The following SHISA6 variants were observed in gnomAD, a reference collection of about 807,000 sequenced individuals.
The protein encoded by SHISA6 is shisa family member 6, also known as protein shisa-6.
A neutral mutation model predicts 47.9 loss-of-function variants in SHISA6; 22 were observed. That is an observed-to-expected ratio of 0.46 (90% CI 0.33 to 0.66). The LOEUF is 0.66. Ranked by LOEUF, SHISA6 falls within the 30% of genes least tolerant of loss-of-function variation. SHISA6 has a pLI of 0.02. For synonymous variants in SHISA6, 388 were observed against 337.8 expected, an observed-to-expected ratio of 1.15 and a Z score of -1.63; for missense variants, 680 against 764.6, an observed-to-expected ratio of 0.89 and a Z score of 1.30.
chr17:11,251,890 C>T (rs1907825001), intron 1 of SHISA6, among the ~76,000 whole-genome samples: 1 of 152,174 alleles, frequency 6.6e-6, no homozygotes, highest in Non-Finnish European at 1.5e-5. Flanking sequence ...TGCCACACGC[C>T]TCAAGGTCCG....
At chr17:11,482,103 T>C (rs1466313270) in intron 3 of SHISA6, among the ~76,000 whole-genome samples, 1 of 152,042 alleles carries the variant, frequency 6.6e-6, no homozygotes, top group Non-Finnish European at 1.5e-5. Flanking sequence ...ATTGAATCAA[T>C]ATAAAGTATA....
At position 11,557,800 on chromosome 17, in the gene SHISA6, C is replaced by A; in HGVS notation, c.1152C>A (p.Pro384=). The A allele has an allele frequency of 1.0e-5, 16 of 1,551,156 alleles. No homozygotes were observed. The highest frequency in any genetic ancestry group is 1.4e-5 in the Non-Finnish European group (16 of 1,146,818). The change falls in exon 6 of 6, where the codon CCC becomes CCA. Residue 384 remains proline, a synonymous_variant. Transcript: ENST00000441885. ...DEYYMRRRHL[P]DLAARGTLPL... is the part of the protein sequence containing the mutation. ...ATTACATGAGACGGCGGCACCTGCCCGACCTGGCTGCCCGCGGCACCCTCC... is the reference window on the plus strand; with the variant it reads ...ATTACATGAGACGGCGGCACCTGCCAGACCTGGCTGCCCGCGGCACCCTCC...
At chr17:11,548,458 T>C (rs376126389) in intron 3 of SHISA6, among the ~76,000 whole-genome samples, 11 of 146,730 alleles carry the variant, frequency 7.5e-5, no homozygotes, top group East Asian at 2.0e-4. Context: ...TATATATATA[T>C]ACATATATCA....
chr17:11,424,299 A>C (rs176096), intron 3 of SHISA6, among the ~76,000 whole-genome samples: 104,963 of 151,996 alleles, frequency 0.69, 36,500 homozygotes, highest in African/African-American at 0.75. Flanking sequence ...AACATACACG[A>C]TAGTGCCAGA....
At chr17:11,492,198 G>A (rs982082207) in intron 3 of SHISA6, among the ~76,000 whole-genome samples, 2 of 152,134 alleles carry the variant, frequency 1.3e-5, no homozygotes, top group African/African-American at 4.8e-5. Flanking sequence ...GTCAAAGAAG[G>A]ATGAGGAGGA....
At chr17:11,257,008 A>T (rs1315351886) in intron 1 of SHISA6, among the ~76,000 whole-genome samples, 5 of 152,200 alleles carry the variant, frequency 3.3e-5, no homozygotes, top group African/African-American at 1.2e-4. Flanking sequence ...ATTGGCCATG[A>T]TGAATTTCAA....
intron 3 of SHISA6, among the ~76,000 whole-genome samples, chr17:11,485,325 TG>T (rs889858699): frequency 6.6e-6 from 1 of 151,864 alleles, no homozygotes; most frequent in African/African-American, 2.4e-5. Flanking sequence ...CTCTGGGGAA[TG>T]GGGGGCGGTT....
rs903175109 is a variant in SHISA6 at position 11,563,605 on chromosome 17, G to A, written c.*5301G>A. 2 of 152,164 alleles carry A rather than the reference G, an allele frequency of 1.3e-5. No homozygotes were observed. Among genetic ancestry groups the A allele is most frequent in the Non-Finnish European group, 2.9e-5 (2 of 68,034 alleles). 9.4% of individuals were successfully genotyped at this position (152,164 alleles called of 1,614,324 possible). A position where few individuals can be genotyped will look rare whatever the true frequency, so the allele number is the denominator to read the frequency against. On this transcript the variant is annotated 3_prime_UTR_variant, in exon 6 of 6. Coordinates refer to ENST00000441885, the MANE Select transcript of SHISA6 (RefSeq NM_207386.4). ...GACCCCTGAATGCCACACCATGGGA[G>A]GACTCATTCATTGGCTTTGTAGTGG...
chr17:11,335,718 G>A (rs8064939), intron 2 of SHISA6, among the ~76,000 whole-genome samples: 54,849 of 152,036 alleles, frequency 0.36, 11,062 homozygotes, highest in African/African-American at 0.55. Context: ...CAGCGAACAT[G>A]GAGGAAAGAA....
chr17:11,367,562 T>A (rs1198553129), intron 2 of SHISA6, among the ~76,000 whole-genome samples: 2 of 152,170 alleles, frequency 1.3e-5, no homozygotes, highest in Non-Finnish European at 2.9e-5. Context: ...CCTTTGAAAC[T>A]TGTGGTTCTC....
At chr17:11,284,543 A>G (rs1567560424) in intron 2 of SHISA6, among the ~76,000 whole-genome samples, 1 of 152,166 alleles carries the variant, frequency 6.6e-6, no homozygotes, top group Non-Finnish European at 1.5e-5. Flanking sequence ...AGACAAATTG[A>G]CTACTAGGTA....
chr17:11,339,119 C>T (rs1369858901), intron 2 of SHISA6, among the ~76,000 whole-genome samples: 1 of 142,358 alleles, frequency 7.0e-6, no homozygotes, highest in Admixed American at 7.1e-5. Context: ...ACATATGTAA[C>T]AAACCTGCAC....
chr17:11,384,331 A>G (rs538336022), intron 3 of SHISA6, among the ~76,000 whole-genome samples: 3 of 152,234 alleles, frequency 2.0e-5, no homozygotes, highest in Non-Finnish European at 2.9e-5. Context: ...TTAGAGGCAC[A>G]CATTTTGCAA....
chr17:11,491,774 T>G lies in SHISA6; in HGVS notation c.896-60122T>G, dbSNP rs1250235483. Among the ~76,000 whole-genome samples, 7 of 77,422 alleles carry G rather than the reference T, an allele frequency of 9.0e-5. No homozygotes were observed. In the South Asian group the frequency reaches 4.3e-3, roughly 47 times the overall value. 50.8% of individuals were successfully genotyped at this position (77,422 alleles called of 152,430 possible). A position where few individuals can be genotyped will look rare whatever the true frequency, so the allele number is the denominator to read the frequency against. On this transcript the variant is annotated intron_variant, in intron 3 of 5. Transcript: ENST00000441885. ...TGAAAGGGAAGCTGGTGAAGTGTTT[T>G]TTTTTTTTTTTTTTTGAGACAGAGT...
chr17:11,506,299 T>G (rs1236693378), intron 3 of SHISA6, among the ~76,000 whole-genome samples: 3 of 152,126 alleles, frequency 2.0e-5, no homozygotes, highest in African/African-American at 7.2e-5. Flanking sequence ...TCTTTTTCTC[T>G]CTCCCTTCCT....
At chr17:11,415,017 C>T (rs1356906203) in intron 3 of SHISA6, among the ~76,000 whole-genome samples, 2 of 149,928 alleles carry the variant, frequency 1.3e-5, no homozygotes, top group Non-Finnish European at 3.0e-5. Flanking sequence ...ACCTGGGAGG[C>T]GGAGGAGCTG....
intron 2 of SHISA6, among the ~76,000 whole-genome samples, chr17:11,338,432 C>T (rs750449251): frequency 1.3e-5 from 2 of 152,034 alleles, no homozygotes; most frequent in Non-Finnish European, 2.9e-5. Flanking sequence ...GATGGAGTCT[C>T]GCTCTGTCAC....
chr17:11,276,253 CAG>C (rs1289829195), intron 2 of SHISA6, among the ~76,000 whole-genome samples: 1 of 152,026 alleles, frequency 6.6e-6, no homozygotes, highest in East Asian at 1.9e-4. Context: ...GCTGGGATTA[CAG>C]GTGTGAGCCG....
Position 11,241,857 on chromosome 17 carries a change from C to G in SHISA6, c.435C>G (p.Tyr145Ter). The part of the protein sequence containing the change: ...EKLDQRQCTN[Y>*]QSPVWVQTPS... ...TGGACCAGCGCCAGTGCACCAACTACCAGAGCCCGGTGTGGGTACAGACGC... is the reference window on the plus strand; with the variant it reads ...TGGACCAGCGCCAGTGCACCAACTAGCAGAGCCCGGTGTGGGTACAGACGC... Residue 145 changes from tyrosine to a stop codon, truncating the protein, a stop_gained, in exon 1 of 6, where the codon TAC becomes TAG. Transcript: ENST00000441885. LOFTEE classifies it high-confidence loss of function. This position sits in a 1 kb window ranked among gnomAD's most constrained non-coding sequence, Gnocchi z 5.5. 4 of 1,551,322 alleles carry G rather than the reference C, an allele frequency of 2.6e-6. No individual in the cohort carries two copies. The highest frequency in any genetic ancestry group is 3.5e-6 in the Non-Finnish European group (4 of 1,147,028).
Sources: allele counts gnomAD v4.1 joint callset (sites outside exome capture counted in the v4.1 genomes callset), GRCh38; gene constraint gnomAD v4.1.1; non-coding constraint Gnocchi (gnomAD v3.1); transcripts MANE v1.5; gene names NCBI Gene and HGNC (gene_info 2026-07-23, HGNC 2026-07-21).